Variants in FAM20B observed in about 807,000 individuals in gnomAD.
The protein encoded by FAM20B is glycosaminoglycan xylosylkinase.
In FAM20B, 23 loss-of-function variants were observed where a neutral mutation model predicts 43.8. The observed-to-expected ratio is 0.53, with a 90% confidence interval of 0.38 to 0.74. FAM20B has a LOEUF of 0.74. Among genes scored for constraint, FAM20B ranks in the 30% least tolerant of loss-of-function variants. FAM20B has a pLI of 0.00. For synonymous variants in FAM20B, 178 were observed against 192.4 expected, an observed-to-expected ratio of 0.93 and a Z score of 0.62; for missense variants, 440 against 510.5, an observed-to-expected ratio of 0.86 and a Z score of 1.33.
At chr1:179,043,547 CCAT>C (rs1466559069) in intron 1 of FAM20B, among the ~76,000 whole-genome samples, 165 bp from the exon 2 acceptor site, 4 of 152,188 alleles carry the variant, frequency 2.6e-5, no homozygotes, top group African/African-American at 9.7e-5. Flanking sequence ...GCCACTGCTG[CCAT>C]CATTAGGTCC....
intron 4 of FAM20B, among the ~76,000 whole-genome samples, chr1:179,056,888 G>A (rs988666805): frequency 2.6e-5 from 4 of 152,116 alleles, no homozygotes; most frequent in East Asian, 1.9e-4. Flanking sequence ...ATAATGTACA[G>A]CATCTTTACA....
At chr1:179,056,740 TGC>T (rs2102513214) in intron 4 of FAM20B, among the ~76,000 whole-genome samples, 1 of 152,240 alleles carries the variant, frequency 6.6e-6, no homozygotes, top group East Asian at 1.9e-4. Flanking sequence ...TGTACCATTT[TGC>T]ATTCCCACCA....
chr1:179,037,072 C>T (rs1262787428), intron 1 of FAM20B, among the ~76,000 whole-genome samples: 1 of 152,216 alleles, frequency 6.6e-6, no homozygotes, highest in Non-Finnish European at 1.5e-5. Flanking sequence ...TGATGTCTAA[C>T]TTGGAAGCTA....
Position 179,071,987 on chromosome 1 carries a change from T to C in FAM20B, c.1073T>C (p.Met358Thr), listed in dbSNP as rs746311048. ...GVLKSALKSAMAHDPISPVLS... is the reference protein window; with the variant it reads ...GVLKSALKSATAHDPISPVLS... ...CTAAAGTCTGCCTTAAAATCTGCCA[T>C]GGCCCATGACCCCATCTCCCCAGTG... Residue 358 changes from methionine (M) to threonine (T), a missense_variant, in exon 8 of 8, where the codon ATG becomes ACG. Physicochemically the swap from Met to Thr is moderately conservative, Grantham distance 81 (BLOSUM62 -1). Transcript: ENST00000263733. 27 of 1,614,126 alleles carry C rather than the reference T, an allele frequency of 1.7e-5. No homozygotes were observed. The highest frequency in any genetic ancestry group is 2.3e-5 in the Non-Finnish European group (27 of 1,180,002).
intron 1 of FAM20B, among the ~76,000 whole-genome samples, chr1:179,040,105 A>G (rs150403497): frequency 0.022 from 3,283 of 152,272 alleles, 64 homozygotes; most frequent in Middle Eastern, 0.048. Flanking sequence ...AGCACAGAAC[A>G]AAATGAAAAG....
At chr1:179,058,277 G>A (rs958254514) in intron 4 of FAM20B, among the ~76,000 whole-genome samples, 10 of 152,156 alleles carry the variant, frequency 6.6e-5, no homozygotes, top group African/African-American at 1.9e-4. Flanking sequence ...TGAAAAATCC[G>A]TGATTTCTTG....
chr1:179,025,323 A>G (rs1251805224), upstream of FAM20B, among the ~76,000 whole-genome samples: 1 of 152,244 alleles, frequency 6.6e-6, no homozygotes, highest in Non-Finnish European at 1.5e-5. Flanking sequence ...TGCTCCTGAA[A>G]GTATGTAGCA....
At chr1:179,041,322 T>C (rs1226306781) in intron 1 of FAM20B, among the ~76,000 whole-genome samples, 2 of 152,098 alleles carry the variant, frequency 1.3e-5, no homozygotes, top group African/African-American at 4.8e-5. Flanking sequence ...AGGTGGAGGT[T>C]GTAGCGAGCC....
chr1:179,045,163 T>C lies in FAM20B; in HGVS notation c.377+939T>C, dbSNP rs548385199. Among the ~76,000 whole-genome samples, 5 of 152,364 alleles carry C rather than the reference T, an allele frequency of 3.3e-5. No individual in the cohort carries two copies. In the East Asian group the frequency reaches 9.6e-4, roughly 29 times the overall value. The stretch of plus-strand genomic sequence containing the variant: ...ACAGTTAATTATTTTTATTTATTTA[T>C]TTATTTCTCTACACAAGACAGCTTG... On this transcript the variant is annotated intron_variant, in intron 2 of 7. Coordinates refer to ENST00000263733, the MANE Select transcript of FAM20B (RefSeq NM_014864.4).
chr1:179,063,356 T>A (rs1651556395), intron 4 of FAM20B, among the ~76,000 whole-genome samples: 4 of 152,000 alleles, frequency 2.6e-5, no homozygotes, highest in Admixed American at 2.6e-4. Context: ...GAGGCTGAAG[T>A]AAGAAGATCA....
upstream of FAM20B, among the ~76,000 whole-genome samples, chr1:179,022,877 C>T (rs1285554660): frequency 6.6e-6 from 1 of 152,114 alleles, no homozygotes; most frequent in Non-Finnish European, 1.5e-5. Flanking sequence ...AAAGCATGTG[C>T]AGTTGTTGGG....
intron 1 of FAM20B, among the ~76,000 whole-genome samples, chr1:179,039,082 A>AT (rs1177007697): frequency 1.3e-5 from 2 of 151,968 alleles, no homozygotes; most frequent in African/African-American, 4.8e-5. Context: ...CATTTGCTCT[A>AT]TTTTTTTGTA....
chr1:179,058,545 A>G (rs989423391), intron 4 of FAM20B, among the ~76,000 whole-genome samples: 1 of 152,216 alleles, frequency 6.6e-6, no homozygotes, highest in Non-Finnish European at 1.5e-5. Context: ...GGGGCTGGCC[A>G]GTGAGGAAGA....
chr1:179,056,679 A>G (rs913472792), intron 4 of FAM20B, among the ~76,000 whole-genome samples: 5 of 152,236 alleles, frequency 3.3e-5, no homozygotes, highest in Non-Finnish European at 1.5e-5. Context: ...TCTGGATCAT[A>G]TAGTAAGAGT....
chr1:179,061,004 T>C (rs1651439441), intron 4 of FAM20B, among the ~76,000 whole-genome samples: 1 of 152,176 alleles, frequency 6.6e-6, no homozygotes, highest in Non-Finnish European at 1.5e-5. Context: ...TCATTGGTCT[T>C]ACTGACGTAT....
In FAM20B at chr1:179,075,048, AGGGCAC is replaced by A. The variant is rs1373937496; in HGVS notation, c.*2907_*2912del. The A allele has an allele frequency of 1.3e-5, 2 of 151,922 alleles. No individual in the cohort carries two copies. Among genetic ancestry groups the A allele is most frequent in the Non-Finnish European group, 2.9e-5 (2 of 67,962 alleles). The allele number at this position is 151,922 out of a possible 1,614,324, so 9.4% of individuals were successfully genotyped here. ...CTCTACTAAAAATGCAAAAATTAACAGGGCACGGTGGCATGCGCCTGTAGTCCCAGC... is the reference window on the plus strand; with the variant it reads ...CTCTACTAAAAATGCAAAAATTAACAGGTGGCATGCGCCTGTAGTCCCAGC... On this transcript the variant is annotated 3_prime_UTR_variant, in exon 8 of 8. Coordinates refer to ENST00000263733, the MANE Select transcript of FAM20B (RefSeq NM_014864.4).
intron 1 of FAM20B, among the ~76,000 whole-genome samples, chr1:179,037,479 CTT>C (rs768903406): frequency 4.3e-4 from 38 of 88,380 alleles, no homozygotes; most frequent in African/African-American, 1.7e-3. Flanking sequence ...GTATGTCGGT[CTT>C]TTTTTTTTTT....
chr1:179,062,834 T>G (rs544550086), intron 4 of FAM20B, among the ~76,000 whole-genome samples: 1 of 152,160 alleles, frequency 6.6e-6, no homozygotes, highest in African/African-American at 2.4e-5. Flanking sequence ...TTTGCTCAAC[T>G]TCCCCCCTTC....
intron 7 of FAM20B, among the ~76,000 whole-genome samples, chr1:179,068,409 G>C (rs1404850033): frequency 6.6e-6 from 1 of 152,048 alleles, no homozygotes; most frequent in East Asian, 1.9e-4. Flanking sequence ...CAAAGACATA[G>C]TGTGATAAAC....
Sources: allele counts gnomAD v4.1 joint callset (sites outside exome capture counted in the v4.1 genomes callset), GRCh38; gene constraint gnomAD v4.1.1; transcripts MANE v1.5; gene names NCBI Gene and HGNC (gene_info 2026-07-23, HGNC 2026-07-21).